The following ARID4B variants were observed in gnomAD, a reference collection of about 807,000 sequenced individuals.
The protein encoded by ARID4B is AT-rich interaction domain 4B.
A neutral mutation model predicts 147.5 loss-of-function variants in ARID4B; 26 were observed. That is an observed-to-expected ratio of 0.18 (90% CI 0.13 to 0.24). The LOEUF is 0.24. Among genes scored for constraint, ARID4B ranks in the 10% least tolerant of loss-of-function variants. The pLI, the probability that ARID4B is intolerant of heterozygous loss-of-function variation, is 1.00. For synonymous variants in ARID4B, 512 were observed against 507.9 expected, an observed-to-expected ratio of 1.01 and a Z score of -0.11; for missense variants, 1,179 against 1,511.5, an observed-to-expected ratio of 0.78 and a Z score of 3.65.
intron 12 of ARID4B, 98 bp downstream of exon 12, chr1:235,224,605 T>A: frequency 2.5e-6 from 2 of 800,956 alleles, no homozygotes; most frequent in Non-Finnish European, 4.1e-6. Context: ...TAATTACTGA[T>A]GACATAAAGT....
In ARID4B at chr1:235,196,106, T is replaced by C. The variant is rs1665472319; in HGVS notation, c.1851A>G (p.Glu617=). 1.3e-6 allele frequency: 2 copies of C among 1,546,370 alleles called. No individual in the cohort carries two copies. The highest frequency in any genetic ancestry group is 1.7e-4 in the Middle Eastern group (1 of 5,878). ...HYCGWNVRYD[E]WIKADKIVRP... is the part of the protein sequence containing the mutation. The stretch of plus-strand genomic sequence containing the variant: ...TTACTATTTTATCTGCTTTAATCCA[T>C]TCATCGTATCTAAAATTAAAGGAAA... The change falls in exon 18 of 24, where the codon GAA becomes GAG. Residue 617 remains glutamate, a synonymous_variant. Transcript: ENST00000264183.
chr1:235,205,188 C>CGT (rs1198878002), intron 17 of ARID4B, among the ~76,000 whole-genome samples: 1 of 151,674 alleles, frequency 6.6e-6, no homozygotes, highest in Admixed American at 6.6e-5. Context: ...ATGGCATACA[C>CGT]AACTCAAGTA....
intron 2 of ARID4B, among the ~76,000 whole-genome samples, chr1:235,284,365 G>GA (rs1388231921): frequency 6.6e-6 from 1 of 151,732 alleles, no homozygotes; most frequent in Non-Finnish European, 1.5e-5. Context: ...GTCTCTGGGG[G>GA]AAAAAAAATT....
chr1:235,251,350 C>A (rs1669635505), intron 6 of ARID4B, among the ~76,000 whole-genome samples: 1 of 151,674 alleles, frequency 6.6e-6, no homozygotes, highest in African/African-American at 2.4e-5. Context: ...GAGATTCCAA[C>A]AAGAGGAAAG....
rs768600040 is a variant in ARID4B, at chr1:235,221,886, A to ATTTTTTTTTTTT, written c.1066-236_1066-225dup. 5.0e-4 allele frequency among the ~76,000 whole-genome samples: 27 copies of ATTTTTTTTTTTT among 53,660 alleles called. 3 individuals carry two copies. The highest frequency in any genetic ancestry group is 1.2e-3 in the South Asian group (2 of 1,610). The allele number at this position is 53,660 out of a possible 152,430, so 35.2% of individuals were successfully genotyped here. A position where few individuals can be genotyped will look rare whatever the true frequency, so the allele number is the denominator to read the frequency against. ...TGTTGAAATATTAAGTCATTTGACT[A>ATTTTTTTTTTTT]TTTTTTTTTTTTTTTTTTTTTTTTT... On this transcript the variant is annotated intron_variant, in intron 13 of 23. Transcript: ENST00000264183.
chr1:235,190,647 AAAGAT>A (rs1665032696), intron 19 of ARID4B, among the ~76,000 whole-genome samples: 1 of 152,236 alleles, frequency 6.6e-6, no homozygotes. Context: ...TGAATAGAAT[AAAGAT>A]ATTTGCAAAA....
In ARID4B at chr1:235,182,817, T is replaced by A. The variant is rs762680372; in HGVS notation, c.2126-24A>T. 86 of 1,550,466 alleles carry A rather than the reference T, an allele frequency of 5.5e-5. No individual in the cohort carries two copies. Among genetic ancestry groups the A allele is most frequent in the Admixed American group, 1.9e-4 (10 of 52,058 alleles). On this transcript the variant is annotated intron_variant, in intron 19 of 23. Coordinates refer to ENST00000264183, the MANE Select transcript of ARID4B (RefSeq NM_016374.6). ...AGCTAGAAAATAACAGAAAAAAAAA[T>A]GATGAGTATGATAAGAACACTAGCA...
At chr1:235,217,437 CACATACAT>C (rs3835402) in intron 16 of ARID4B, among the ~76,000 whole-genome samples, 2 of 151,846 alleles carry the variant, frequency 1.3e-5, no homozygotes, top group South Asian at 2.1e-4. Context: ...TACATACACT[CACATACAT>C]ACATACATAC....
chr1:235,215,645 T>C (rs1417632453), intron 16 of ARID4B, among the ~76,000 whole-genome samples: 2 of 151,120 alleles, frequency 1.3e-5, no homozygotes, highest in African/African-American at 4.9e-5. Context: ...TGAAGTGGCC[T>C]GATCACTGCT....
chr1:235,317,247 T>C (rs1340785917), intron 2 of ARID4B, among the ~76,000 whole-genome samples: 1 of 152,204 alleles, frequency 6.6e-6, no homozygotes, highest in Non-Finnish European at 1.5e-5. Context: ...TCCTATTAAA[T>C]AGATTAGCAG....
intron 2 of ARID4B, among the ~76,000 whole-genome samples, chr1:235,299,526 A>G (rs1474571092): frequency 6.6e-6 from 1 of 152,214 alleles, no homozygotes; most frequent in Non-Finnish European, 1.5e-5. Context: ...AAGGTTTAAT[A>G]CCTGAAGAAA....
intron 17 of ARID4B, among the ~76,000 whole-genome samples, chr1:235,209,892 C>CA (rs1666600793): frequency 6.6e-6 from 1 of 152,106 alleles, no homozygotes. Flanking sequence ...AACAAAAAGA[C>CA]AGACACTCTT....
chr1:235,269,884 TTATC>T (rs1670861900), intron 2 of ARID4B, among the ~76,000 whole-genome samples: 1 of 152,168 alleles, frequency 6.6e-6, no homozygotes, highest in African/African-American at 2.4e-5. Context: ...TTTCTATTAA[TTATC>T]TATTTATATT....
chr1:235,247,982 C>G (rs904923027), intron 6 of ARID4B, among the ~76,000 whole-genome samples: 3 of 152,072 alleles, frequency 2.0e-5, no homozygotes, highest in Non-Finnish European at 4.4e-5. Context: ...GAGCGAAATT[C>G]CATCTCAAAA....
intron 19 of ARID4B, among the ~76,000 whole-genome samples, chr1:235,185,969 T>C (rs1423915714): frequency 1.4e-5 from 2 of 142,226 alleles, no homozygotes; most frequent in Non-Finnish European, 3.1e-5. Context: ...TTTCTTTAGT[T>C]ATTTGCTTTT....
chr1:235,264,766 A>G (rs1670495202), intron 2 of ARID4B, among the ~76,000 whole-genome samples: 1 of 152,174 alleles, frequency 6.6e-6, no homozygotes, highest in Non-Finnish European at 1.5e-5. Flanking sequence ...GAGGGGCAAA[A>G]CCACATTTTG....
intron 2 of ARID4B, among the ~76,000 whole-genome samples, chr1:235,275,345 G>A (rs1370546663): frequency 6.6e-6 from 1 of 152,208 alleles, no homozygotes; most frequent in African/African-American, 2.4e-5. Context: ...CAATTAGCCG[G>A]TAGAGAAAGG....
At chr1:235,255,254 G>A in intron 5 of ARID4B, among the ~76,000 whole-genome samples, 1 of 93,926 alleles carries the variant, frequency 1.1e-5, no homozygotes, top group South Asian at 5.8e-4. Context: ...TAGATAGATA[G>A]ATAGATAGAT....
At chr1:235,230,432 AAAACAAAAC>A (rs1668126911) in intron 10 of ARID4B, among the ~76,000 whole-genome samples, 2 of 145,774 alleles carry the variant, frequency 1.4e-5, no homozygotes, top group African/African-American at 2.6e-5. Context: ...AAAACAAAAC[AAAACAAAAC>A]AAAAAAAACA....
Sources: gnomAD v4.1 joint callset for allele counts (sites outside exome capture counted in the v4.1 genomes callset) on GRCh38, gnomAD v4.1.1 for gene constraint, MANE v1.5 for transcripts, NCBI Gene and HGNC (gene_info 2026-07-23, HGNC 2026-07-21) for gene names.